The following TRAK2 variants were observed in gnomAD, a reference collection of about 807,000 sequenced individuals.
TRAK2 encodes the protein trafficking kinesin protein 2.
A neutral mutation model predicts 104.6 loss-of-function variants in TRAK2; 81 were observed. The ratio of observed to expected loss-of-function variants is 0.77; its 90% confidence interval spans 0.65 to 0.93. TRAK2 has a LOEUF of 0.93. TRAK2 is among the 40% of genes least tolerant of loss of function. The pLI, the probability that TRAK2 is intolerant of heterozygous loss-of-function variation, is 0.00. For synonymous variants in TRAK2, 406 were observed against 394.4 expected (o/e 1.03, Z -0.35); for missense variants, 1,002 against 1,089.0 (o/e 0.92, Z 1.12).
chr2:201,450,145 G>C (rs985866091), intron 1 of TRAK2, among the ~76,000 whole-genome samples: 3 of 152,122 alleles, frequency 2.0e-5, no homozygotes, highest in African/African-American at 7.2e-5. Flanking sequence ...AGCTGGGTGT[G>C]GCGGCTCACG....
At position 201,397,524 on chromosome 2, in the gene TRAK2, G is replaced by A. The variant is rs747421176; in HGVS notation, c.747C>T (p.Val249=). 35 of 1,612,794 alleles carry A rather than the reference G, an allele frequency of 2.2e-5. No individual in the cohort carries two copies. In the Middle Eastern group the frequency reaches 8.2e-4, roughly 38 times the overall value. ...VTYEEKEQQL[V]SDCVKELRET... ...CACGAAGTTCTTTAACACAGTCGCT[G>A]ACAAGCTGTTGTTCCTTTTCTTCAT... The change falls in exon 7 of 16, where the codon GTC becomes GTT. Residue 249 remains valine (V), a synonymous_variant. Transcript: ENST00000332624.
chr2:201,419,749 G>A (rs1951724465), intron 2 of TRAK2, among the ~76,000 whole-genome samples: 1 of 152,122 alleles, frequency 6.6e-6, no homozygotes, highest in African/African-American at 2.4e-5. Context: ...CAAACTTTGG[G>A]TTTTGATGGG....
intron 2 of TRAK2, among the ~76,000 whole-genome samples, chr2:201,417,241 C>CAAAAAAAAAAAAAAAA (rs61702415): frequency 6.0e-4 from 53 of 88,398 alleles, no homozygotes; most frequent in Middle Eastern, 0.013. Context: ...GAAGACATTG[C>CAAAAAAAAAAAAAAAA]AAAAAAAAAA....
intron 2 of TRAK2, among the ~76,000 whole-genome samples, chr2:201,414,362 T>C (rs1047045549): frequency 5.3e-5 from 8 of 152,192 alleles, no homozygotes; most frequent in Admixed American, 1.3e-4. Context: ...ATCAACCCTC[T>C]CACTTTTAAA....
chr2:201,412,413 A>AACTTCCTC (rs1951655546), intron 2 of TRAK2: 1 of 1,307,348 alleles, frequency 7.6e-7, no homozygotes, highest in Admixed American at 1.7e-5. Context: ...CATGTTCACG[A>AACTTCCTC]ACTTCCTCAG....
Position 201,399,363 on chromosome 2 carries a change from G to T in TRAK2, c.480+14C>A. 1 of 1,560,794 alleles carries T rather than the reference G, an allele frequency of 6.4e-7. No homozygotes were observed. Among genetic ancestry groups the T allele is most frequent in the South Asian group, 1.1e-5 (1 of 87,908 alleles). ...TAATTATTTCATACTGCAGACATTT[G>T]ATCAAAGGCTTACTTGATCAAAGGC... On this transcript the variant is annotated intron_variant, in intron 5 of 15. Coordinates refer to ENST00000332624, the MANE Select transcript of TRAK2 (RefSeq NM_015049.3).
At chr2:201,411,633 T>G in intron 2 of TRAK2, 2 of 805,022 alleles carry the variant, frequency 2.5e-6, no homozygotes, top group Admixed American at 3.4e-5. Context: ...TCCAGTCAGC[T>G]GCTCTTTGGT....
rs948261948 is a variant in TRAK2, at chr2:201,438,724, G to GA, written c.-200+12625dup. Reference sequence around the variant, plus strand: ...GTGGTTACTGAATATAGAAGAAGAAGAAAAAAAACAAGTAATCCGCTCCCC... The same window carrying GA: ...GTGGTTACTGAATATAGAAGAAGAAGAAAAAAAAACAAGTAATCCGCTCCCC... On this transcript the variant is annotated intron_variant, in intron 1 of 15. Coordinates refer to ENST00000332624, the MANE Select transcript of TRAK2 (RefSeq NM_015049.3). Among the ~76,000 whole-genome samples the GA allele has an allele frequency of 4.6e-5, 7 of 151,768 alleles. 1 individual carries two copies. The South Asian group carries it at 1.2e-3, about 27-fold the overall frequency.
intron 10 of TRAK2, among the ~76,000 whole-genome samples, chr2:201,392,514 C>G (rs79410323): frequency 0.079 from 12,081 of 152,136 alleles, 675 homozygotes; most frequent in Non-Finnish European, 0.12. Context: ...AGCTTACATT[C>G]TAACAAGTTA....
At chr2:201,443,954 A>C (rs932043669) in intron 1 of TRAK2, among the ~76,000 whole-genome samples, 47 of 152,152 alleles carry the variant, frequency 3.1e-4, no homozygotes, top group African/African-American at 1.1e-3. Context: ...TAATCCCAGC[A>C]CTTTGGGAGG....
chr2:201,388,906 T>C (rs1010663724), intron 12 of TRAK2, among the ~76,000 whole-genome samples: 12 of 152,192 alleles, frequency 7.9e-5, no homozygotes, highest in Non-Finnish European at 1.6e-4. Context: ...GTTTACCTTC[T>C]AGTTATATAG....
At position 201,407,217 on chromosome 2, in the gene TRAK2, T is replaced by C. The variant is rs77344252; in HGVS notation, c.286+186A>G. ...TTGCAACACTAGACACTGAGAGTCA[T>C]AAGGATGACAAACTTTCTGCATTCA... On this transcript the variant is annotated intron_variant, in intron 3 of 15. Transcript: ENST00000332624. 2.9e-3 allele frequency among the ~76,000 whole-genome samples: 439 copies of C among 152,316 alleles called. 13 individuals are homozygous for C. In the East Asian group the frequency reaches 0.072, roughly 25 times the overall value.
intron 1 of TRAK2, among the ~76,000 whole-genome samples, chr2:201,445,399 C>CTTT (rs1466656803): frequency 6.6e-6 from 1 of 152,096 alleles, no homozygotes; most frequent in Non-Finnish European, 1.5e-5. Flanking sequence ...AGCCTCTGCC[C>CTTT]AAAGGGAGGT....
At chr2:201,389,557 G>C (rs2125642428) in intron 11 of TRAK2, 54 bp from the exon 12 acceptor site, 2 of 1,503,398 alleles carry the variant, frequency 1.3e-6, no homozygotes, top group Non-Finnish European at 9.1e-7. Flanking sequence ...AAAGCATCTA[G>C]AGAAGAGAAT....
At position 201,389,814 on chromosome 2, in the gene TRAK2, GAGA is replaced by G. The variant is rs1559438657; in HGVS notation, c.1177_1179del (p.Ser393del). 1.2e-6 allele frequency: 2 copies of G among 1,612,594 alleles called. No homozygotes were observed. The highest frequency in any genetic ancestry group is 1.7e-6 in the Non-Finnish European group (2 of 1,179,292). On this transcript the variant is annotated inframe_deletion, in exon 11 of 16. Coordinates refer to ENST00000332624, the MANE Select transcript of TRAK2 (RefSeq NM_015049.3). ...ACCTGTACTTACTTTTGTTTAAAGAGAGAAGATTCCTCATCCAAACTCAGCTTT... is the reference window on the plus strand; with the variant it reads ...ACCTGTACTTACTTTTGTTTAAAGAGAGATTCCTCATCCAAACTCAGCTTT...
intron 2 of TRAK2, among the ~76,000 whole-genome samples, chr2:201,410,121 C>T (rs1437720309): frequency 6.6e-6 from 1 of 152,126 alleles, no homozygotes; most frequent in African/African-American, 2.4e-5. Flanking sequence ...CACGGTGAAA[C>T]CCTGTCTCTA....
chr2:201,450,816 T>C (rs1157953205), intron 1 of TRAK2, among the ~76,000 whole-genome samples: 1 of 152,156 alleles, frequency 6.6e-6, no homozygotes, highest in Non-Finnish European at 1.5e-5. Context: ...TTTGGGCTGC[T>C]ACTAAAAAGG....
At chr2:201,401,900 G>A (rs1489543231) in intron 3 of TRAK2, among the ~76,000 whole-genome samples, 1 of 151,974 alleles carries the variant, frequency 6.6e-6, no homozygotes, top group Non-Finnish European at 1.5e-5. Flanking sequence ...AACATGATAC[G>A]TTACTGCAGA....
intron 4 of TRAK2, 68 bp downstream of exon 4, chr2:201,400,950 A>G (rs2125646967): frequency 7.6e-7 from 1 of 1,313,324 alleles, no homozygotes; most frequent in Admixed American, 1.7e-5. Flanking sequence ...TGATGTGCAA[A>G]TTTGATAGAT....
Sources: allele counts gnomAD v4.1 joint callset (sites outside exome capture counted in the v4.1 genomes callset), GRCh38; gene constraint gnomAD v4.1.1; transcripts MANE v1.5; gene names NCBI Gene and HGNC (gene_info 2026-07-23, HGNC 2026-07-21).